WHRN: variants seen among roughly 807,000 people sequenced by gnomAD.
The protein encoded by WHRN is CASK-interacting protein CIP98.
Under a neutral mutation model 68.3 loss-of-function variants are expected in WHRN, and 41 were observed. The observed-to-expected ratio is 0.60, with a 90% CI of 0.47 to 0.78. WHRN has a LOEUF of 0.78. WHRN is among the 30% of genes least tolerant of loss of function. WHRN has a pLI of 0.00. For missense variants in WHRN, 1,243 were observed against 1,244.7 expected (o/e 1.00, Z 0.02); for synonymous variants, 560 against 561.3 (o/e 1.00, Z 0.03).
chr9:114,456,152 C>T (rs1589173123), intron 3 of WHRN, among the ~76,000 whole-genome samples: 1 of 10,582 alleles, frequency 9.5e-5, no homozygotes, highest in Non-Finnish European at 2.1e-4. Flanking sequence ...AAAAAAAAAA[C>T]ATCTCCAAAT....
At chr9:114,408,555 G>A (rs537107295) in intron 7 of WHRN, among the ~76,000 whole-genome samples, 1 of 152,308 alleles carries the variant, frequency 6.6e-6, no homozygotes, top group East Asian at 1.9e-4. Context: ...GAAACCCAAT[G>A]CCTCCTTAAG....
intron 2 of WHRN, among the ~76,000 whole-genome samples, chr9:114,477,062 C>T (rs1841708663): frequency 6.6e-6 from 1 of 152,154 alleles, no homozygotes; most frequent in African/African-American, 2.4e-5. Flanking sequence ...ACGAGCCCAC[C>T]CAGCCCTGGC....
At chr9:114,425,910 G>C in intron 4 of WHRN, 1 of 452,190 alleles carries the variant, frequency 2.2e-6, no homozygotes, top group South Asian at 2.1e-5. Flanking sequence ...TCTGGGATGA[G>C]GGCAGGGTTA....
intron 3 of WHRN, among the ~76,000 whole-genome samples, chr9:114,444,952 T>C (rs955123879): frequency 2.0e-5 from 3 of 152,078 alleles, no homozygotes; most frequent in Admixed American, 2.0e-4. Flanking sequence ...TACAACAAAA[T>C]TGTGGCACTA....
intron 1 of WHRN, among the ~76,000 whole-genome samples, chr9:114,485,545 A>T (rs1842410755): frequency 6.6e-6 from 1 of 152,036 alleles, no homozygotes; most frequent in Non-Finnish European, 1.5e-5. Context: ...ACAAAAAATT[A>T]GCCAGGCATG....
At chr9:114,490,126 G>A (rs751989796) in intron 1 of WHRN, among the ~76,000 whole-genome samples, 3 of 152,184 alleles carry the variant, frequency 2.0e-5, no homozygotes, top group African/African-American at 7.2e-5. Context: ...GGCTCTGTGC[G>A]GCCACCTCGC....
chr9:114,441,880 G>A (rs914454355), intron 3 of WHRN, among the ~76,000 whole-genome samples: 5 of 152,054 alleles, frequency 3.3e-5, no homozygotes, highest in East Asian at 1.9e-4. Context: ...CTGCAAATAC[G>A]TTATTATAAA....
chr9:114,451,538 TG>T (rs1211557358), intron 3 of WHRN, among the ~76,000 whole-genome samples: 1 of 152,100 alleles, frequency 6.6e-6, no homozygotes, highest in African/African-American at 2.4e-5. Flanking sequence ...AATATCACTG[TG>T]GGGGTGTGTG....
intron 1 of WHRN, among the ~76,000 whole-genome samples, chr9:114,484,875 C>G (rs76983937): frequency 2.0e-5 from 3 of 152,176 alleles, no homozygotes; most frequent in Non-Finnish European, 1.5e-5. Flanking sequence ...AAATCATAGA[C>G]CAGGCTGACA....
chr9:114,454,560 A>C (rs1839607187), intron 3 of WHRN, among the ~76,000 whole-genome samples: 1 of 150,256 alleles, frequency 6.7e-6, no homozygotes, highest in African/African-American at 2.5e-5. Flanking sequence ...ATTACAGAAC[A>C]AAAAAAAACC....
rs1365577806 is a variant in WHRN at position 114,406,663 on chromosome 9, T to C, written c.1928A>G (p.Gln643Arg). 1 of 1,613,844 alleles carries C rather than the reference T, an allele frequency of 6.2e-7. No homozygotes were observed. The highest frequency in any genetic ancestry group is 8.5e-7 in the Non-Finnish European group (1 of 1,180,010). The change falls in exon 9 of 12, where the codon CAG becomes CGG. Residue 643 changes from glutamine (Q) to arginine (R), a missense_variant. Physicochemically the swap from Gln to Arg is conservative, Grantham distance 43. Coordinates refer to ENST00000362057, the MANE Select transcript of WHRN (RefSeq NM_015404.4). ...ATAGATGGGGGAAGAGGGCAAGTCC[T>C]GTGCAGAGGAGGTCCCTGGGGTGGG... ...TAPTPGTSSA[Q>R]DLPSSPIYAS...
At chr9:114,450,104 G>C (rs551624275) in intron 3 of WHRN, among the ~76,000 whole-genome samples, 8 of 152,180 alleles carry the variant, frequency 5.3e-5, no homozygotes, top group Admixed American at 5.2e-4. Context: ...ACTCCCGAGG[G>C]CATGGCTCAT....
intron 4 of WHRN, 84 bp from the exon 5 acceptor site, chr9:114,425,108 G>A (rs1341625117): frequency 7.3e-7 from 1 of 1,378,242 alleles, no homozygotes; most frequent in East Asian, 2.3e-5. Context: ...CTTGGGGCAG[G>A]AAGAGCAAAG....
At position 114,466,430 on chromosome 9, in the gene WHRN, G is replaced by A. The variant is rs751288679; in HGVS notation, c.838-38C>T. 6.2e-6 allele frequency: 10 copies of A among 1,612,792 alleles called. 1 individual carries two copies. The Middle Eastern group carries it at 9.9e-4, about 160-fold the overall frequency. Reference sequence around the variant, plus strand: ...GAGGATAACATTAGAGGGACTGGAGGAGCCATCCCTTCCGGGGACAGCAGG... The same window carrying A: ...GAGGATAACATTAGAGGGACTGGAGAAGCCATCCCTTCCGGGGACAGCAGG... On this transcript the variant is annotated intron_variant, in intron 2 of 11. Coordinates refer to ENST00000362057, the MANE Select transcript of WHRN (RefSeq NM_015404.4).
At chr9:114,464,413 TG>T (rs1361076446) in intron 3 of WHRN, among the ~76,000 whole-genome samples, 1 of 152,172 alleles carries the variant, frequency 6.6e-6, no homozygotes, top group East Asian at 1.9e-4. Flanking sequence ...CAGTGTCTGG[TG>T]AGGGCCCACT....
At chr9:114,407,020 A>T in intron 8 of WHRN, 128 bp from the exon 9 acceptor site, 2 of 1,069,072 alleles carry the variant, frequency 1.9e-6, no homozygotes, top group Non-Finnish European at 2.8e-6. Flanking sequence ...TCTTGGCCAC[A>T]CTGCTCTGAA....
chr9:114,444,859 G>A (rs1287014860), intron 3 of WHRN, among the ~76,000 whole-genome samples: 2 of 151,636 alleles, frequency 1.3e-5, no homozygotes, highest in Non-Finnish European at 2.9e-5. Flanking sequence ...GAAGGTGGGG[G>A]AAAGAAAACA....
chr9:114,422,362 T>C (rs1393472724), intron 7 of WHRN, among the ~76,000 whole-genome samples: 1 of 152,232 alleles, frequency 6.6e-6, no homozygotes, highest in African/African-American at 2.4e-5. Flanking sequence ...CAGCCCTGAC[T>C]TTTCCACTGC....
chr9:114,418,083 G>A (rs1431677837), intron 7 of WHRN, among the ~76,000 whole-genome samples: 1 of 152,204 alleles, frequency 6.6e-6, no homozygotes, highest in African/African-American at 2.4e-5. Flanking sequence ...GCTTCCACGT[G>A]GAGGAGGTTT....
Sources: allele counts gnomAD v4.1 joint callset (sites outside exome capture counted in the v4.1 genomes callset), GRCh38; gene constraint gnomAD v4.1.1; transcripts MANE v1.5; gene names NCBI Gene and HGNC (gene_info 2026-07-23, HGNC 2026-07-21).